The following PDE4B variants were observed in gnomAD, a reference collection of about 807,000 sequenced individuals.
PDE4B encodes phosphodiesterase 4B, also known as 3',5'-cyclic-AMP phosphodiesterase 4B.
In PDE4B, 20 loss-of-function variants were observed where a neutral mutation model predicts 82.2. That is an observed-to-expected ratio of 0.24 (90% CI 0.17 to 0.35). The LOEUF is 0.35. Ranked by LOEUF, PDE4B falls within the 10% of genes least tolerant of loss-of-function variation. PDE4B has a pLI of 1.00. For missense variants in PDE4B, 655 were observed against 907.2 expected, an observed-to-expected ratio of 0.72 and a Z score of 3.57; for synonymous variants, 320 against 318.9, an observed-to-expected ratio of 1.00 and a Z score of -0.04.
intron 1 of PDE4B, among the ~76,000 whole-genome samples, chr1:65,847,611 A>C (rs1454876839): frequency 6.6e-6 from 1 of 152,142 alleles, no homozygotes; most frequent in East Asian, 1.9e-4. Flanking sequence ...AGTTGTCATG[A>C]TTTTCTGCAG....
rs1365331447 is a variant in PDE4B at position 66,238,552 on chromosome 1, A to G, written c.282-8908A>G. On this transcript the variant is annotated intron_variant, in intron 3 of 16. Transcript: ENST00000341517. ...ATTCCAGTTCAGATGAGAGATTTTA[A>G]TGCCGTGGTGGAAACAGAGATACAC... is the stretch of plus-strand genomic sequence containing the variant. 2.6e-5 allele frequency among the ~76,000 whole-genome samples: 4 copies of G among 152,304 alleles called. 1 individual carries two copies. In the East Asian group the frequency reaches 7.7e-4, roughly 29 times the overall value.
chr1:66,022,956 A>G (rs1305419330), intron 3 of PDE4B, among the ~76,000 whole-genome samples: 1 of 151,928 alleles, frequency 6.6e-6, no homozygotes, highest in Non-Finnish European at 1.5e-5. Context: ...TTTTCTTGGT[A>G]GGCTATTAAT....
At chr1:65,922,624 C>T (rs185799249) in intron 3 of PDE4B, among the ~76,000 whole-genome samples, 155 of 152,198 alleles carry the variant, frequency 1.0e-3, no homozygotes, top group Middle Eastern at 3.4e-3. Flanking sequence ...AAGGCCTACC[C>T]CTACAAAACT....
chr1:65,840,662 C>T (rs899883697), intron 1 of PDE4B, among the ~76,000 whole-genome samples: 1 of 152,162 alleles, frequency 6.6e-6, no homozygotes, highest in African/African-American at 2.4e-5. Context: ...ATAAATGTCT[C>T]AGATCGTTAG....
intron 1 of PDE4B, among the ~76,000 whole-genome samples, chr1:65,849,349 T>C (rs890173525): frequency 2.6e-5 from 4 of 152,148 alleles, no homozygotes; most frequent in African/African-American, 9.7e-5. Context: ...GAAAGCTTTT[T>C]ACCCAGAGCA....
At chr1:66,291,588 G>T (rs1657083013) in intron 7 of PDE4B, among the ~76,000 whole-genome samples, 1 of 152,126 alleles carries the variant, frequency 6.6e-6, no homozygotes, top group Non-Finnish European at 1.5e-5. Context: ...TCCCTCTTTT[G>T]AAAGCAAACA....
chr1:65,797,018 T>C (rs1645639253), intron 1 of PDE4B, among the ~76,000 whole-genome samples: 1 of 151,724 alleles, frequency 6.6e-6, no homozygotes, highest in Non-Finnish European at 1.5e-5. Flanking sequence ...AGTGGCACTA[T>C]TTCCACTCAC....
chr1:66,243,902 G>A (rs1266636125), intron 3 of PDE4B, among the ~76,000 whole-genome samples: 1 of 152,194 alleles, frequency 6.6e-6, no homozygotes, highest in Non-Finnish European at 1.5e-5. Flanking sequence ...TTGGACCCAG[G>A]GAAAAGGCCA....
At chr1:66,225,659 G>A (rs1233946147) in intron 3 of PDE4B, among the ~76,000 whole-genome samples, 1 of 152,166 alleles carries the variant, frequency 6.6e-6, no homozygotes. Flanking sequence ...GAATACCTGG[G>A]CCCAGTAACC....
chr1:66,103,267 T>A (rs1645262671), intron 3 of PDE4B, among the ~76,000 whole-genome samples: 1 of 133,732 alleles, frequency 7.5e-6, no homozygotes, highest in African/African-American at 2.6e-5. Flanking sequence ...CATTGCTTCA[T>A]CCCTCTCTGT....
intron 8 of PDE4B, among the ~76,000 whole-genome samples, chr1:66,349,314 A>G (rs181171984): frequency 1.3e-5 from 2 of 152,302 alleles, no homozygotes; most frequent in East Asian, 3.9e-4. Context: ...GAATAATGGT[A>G]GATATATTCA....
intron 3 of PDE4B, among the ~76,000 whole-genome samples, chr1:66,204,510 C>A (rs1196804551): frequency 6.6e-6 from 1 of 152,268 alleles, no homozygotes; most frequent in East Asian, 1.9e-4. Context: ...TTTGAGCTTC[C>A]TGGCTGCTTT....
Position 65,885,102 on chromosome 1 carries a change from A to G in PDE4B, c.-70-28143A>G, listed in dbSNP as rs371422025. Among the ~76,000 whole-genome samples, 3 of 152,380 alleles carry G rather than the reference A, an allele frequency of 2.0e-5. No individual in the cohort carries two copies. In the East Asian group the frequency reaches 5.8e-4, roughly 29 times the overall value. On this transcript the variant is annotated intron_variant, in intron 1 of 16. Coordinates refer to ENST00000341517, the MANE Select transcript of PDE4B (RefSeq NM_002600.4). ...GGACATTTATGCAGCCAACAGACACATGAAAAAATGCTCATCATCACTGGC... is the reference window on the plus strand; with the variant it reads ...GGACATTTATGCAGCCAACAGACACGTGAAAAAATGCTCATCATCACTGGC...
chr1:65,991,204 A>G (rs1251529307), intron 3 of PDE4B, among the ~76,000 whole-genome samples: 2 of 151,678 alleles, frequency 1.3e-5, no homozygotes, highest in Non-Finnish European at 2.9e-5. Context: ...CATCCTCCTG[A>G]GTAGCTGGGA....
At chr1:65,977,246 C>T (rs1650455899) in intron 3 of PDE4B, among the ~76,000 whole-genome samples, 1 of 152,134 alleles carries the variant, frequency 6.6e-6, no homozygotes, top group Non-Finnish European at 1.5e-5. Context: ...GGTCCCACTC[C>T]CCAGAGTTTC....
chr1:66,281,008 T>C (rs1490715261), intron 7 of PDE4B, among the ~76,000 whole-genome samples: 1 of 152,200 alleles, frequency 6.6e-6, no homozygotes, highest in Non-Finnish European at 1.5e-5. Flanking sequence ...ACAGGCAGCA[T>C]GGCACAGATA....
At chr1:66,308,687 T>C (rs1428289812) in intron 7 of PDE4B, among the ~76,000 whole-genome samples, 1 of 152,150 alleles carries the variant, frequency 6.6e-6, no homozygotes, top group African/African-American at 2.4e-5. Flanking sequence ...CTACAGTTGT[T>C]CCAGTAGATT....
intron 3 of PDE4B, among the ~76,000 whole-genome samples, chr1:66,066,126 A>G (rs1232914664): frequency 2.0e-5 from 3 of 151,536 alleles, no homozygotes; most frequent in Non-Finnish European, 1.5e-5. Flanking sequence ...ATTTATATGT[A>G]TTTGTATATT....
chr1:65,901,595 A>C (rs1299350922), intron 1 of PDE4B, among the ~76,000 whole-genome samples: 1 of 152,092 alleles, frequency 6.6e-6, no homozygotes, highest in Non-Finnish European at 1.5e-5. Context: ...ATATTGGTCT[A>C]TTCAGAGTTT....
Sources: gnomAD v4.1 joint callset for allele counts (sites outside exome capture counted in the v4.1 genomes callset) on GRCh38, gnomAD v4.1.1 for gene constraint, MANE v1.5 for transcripts, NCBI Gene and HGNC (gene_info 2026-07-23, HGNC 2026-07-21) for gene names.